L3MBTL4: variants seen among roughly 807,000 people sequenced by gnomAD.
L3MBTL4 encodes L3MBTL histone methyl-lysine binding protein 4, also known as lethal(3)malignant brain tumor-like protein 4.
A neutral mutation model predicts 84.5 loss-of-function variants in L3MBTL4; 70 were observed. The ratio of observed to expected loss-of-function variants is 0.83; its 90% CI spans 0.68 to 1.01. The LOEUF is 1.01. L3MBTL4 is among the 50% of genes least tolerant of loss of function. The probability of loss-of-function intolerance (pLI) is 0.00; values close to 1 mark genes in which losing one functional copy is unlikely to be tolerated. For synonymous variants in L3MBTL4, 274 were observed against 259.8 expected, an observed-to-expected ratio of 1.05 and a Z score of -0.52; for missense variants, 715 against 754.8, an observed-to-expected ratio of 0.95 and a Z score of 0.62.
chr18:6,090,560 T>C (rs1397120798), intron 15 of L3MBTL4, among the ~76,000 whole-genome samples: 1 of 150,194 alleles, frequency 6.7e-6, no homozygotes, highest in Admixed American at 6.7e-5. Context: ...AGTCTGGATA[T>C]ATATAAATAT....
chr18:6,342,869 G>GA (rs1275779710), intron 1 of L3MBTL4, among the ~76,000 whole-genome samples: 1 of 151,546 alleles, frequency 6.6e-6, no homozygotes, highest in African/African-American at 2.4e-5. Flanking sequence ...CACTTAGGCT[G>GA]AAAGTAAAAG....
At chr18:6,049,549 A>T (rs2056767222) in intron 16 of L3MBTL4, among the ~76,000 whole-genome samples, 1 of 152,234 alleles carries the variant, frequency 6.6e-6, no homozygotes, top group African/African-American at 2.4e-5. Flanking sequence ...TAAAAAATGA[A>T]ATCATATCTT....
intron 18 of L3MBTL4, 135 bp from the exon 19 acceptor site, chr18:5,956,522 TG>T: frequency 1.4e-6 from 1 of 709,152 alleles, no homozygotes; most frequent in Non-Finnish European, 2.4e-6. Context: ...TGAGAGAGAA[TG>T]ACGGTAGCTC....
chr18:5,956,528 T>TC, intron 18 of L3MBTL4, 141 bp from the exon 19 acceptor site: 2 of 686,160 alleles, frequency 2.9e-6, no homozygotes, highest in Non-Finnish European at 5.0e-6. Context: ...AGAATGACGG[T>TC]AGCTCTCACT....
At chr18:5,981,963 G>A (rs72873878) in intron 16 of L3MBTL4, among the ~76,000 whole-genome samples, 2 of 138,210 alleles carry the variant, frequency 1.4e-5, no homozygotes, top group African/African-American at 5.3e-5. Flanking sequence ...GAACAAAAAG[G>A]TTTCAATATT....
intron 4 of L3MBTL4, among the ~76,000 whole-genome samples, chr18:6,301,213 T>C (rs554488690): frequency 6.6e-6 from 1 of 152,318 alleles, no homozygotes; most frequent in African/African-American, 2.4e-5. Flanking sequence ...TAAGGTACTT[T>C]AAAAGTTAAT....
chr18:5,958,118 G>GAAGAAA (rs2095241554), intron 18 of L3MBTL4, among the ~76,000 whole-genome samples: 1 of 64,814 alleles, frequency 1.5e-5, no homozygotes, highest in Non-Finnish European at 3.3e-5. Context: ...AGAAGAAGAA[G>GAAGAAA]AAGAAGAAGA....
At chr18:6,404,464 A>G (rs7233051) in intron 1 of L3MBTL4, among the ~76,000 whole-genome samples, 3,483 of 152,196 alleles carry the variant, frequency 0.023, 129 homozygotes, top group African/African-American at 0.08. Flanking sequence ...AAAAAGCTCG[A>G]TTTCTGTTCT....
chr18:6,174,419 G>A (rs2044127555), intron 12 of L3MBTL4, among the ~76,000 whole-genome samples: 1 of 152,128 alleles, frequency 6.6e-6, no homozygotes, highest in East Asian at 1.9e-4. Context: ...TAAAAGAGAA[G>A]CACATAGAAA....
At chr18:6,061,964 T>C (rs1456350697) in intron 16 of L3MBTL4, among the ~76,000 whole-genome samples, 1 of 152,052 alleles carries the variant, frequency 6.6e-6, no homozygotes, top group Non-Finnish European at 1.5e-5. Context: ...TAAGCTATAC[T>C]CACCTAATTA....
rs1027427151 is a variant in L3MBTL4 at position 6,056,083 on chromosome 18, T to C, written c.1444+24798A>G. Among the ~76,000 whole-genome samples the C allele has an allele frequency of 2.0e-5, 3 of 152,166 alleles. No homozygotes were observed. In the South Asian group the frequency reaches 6.2e-4, roughly 32 times the overall value. ...GTTTTAAAGCATGGATTTGGGTTGA[T>C]ATGTCCATATTTCATTAAACTAAAA... On this transcript the variant is annotated intron_variant, in intron 16 of 18. Transcript: ENST00000317931.
chr18:6,244,685 T>C, intron 5 of L3MBTL4, 97 bp from the exon 6 acceptor site: 1 of 819,372 alleles, frequency 1.2e-6, no homozygotes, highest in Non-Finnish European at 2.0e-6. Flanking sequence ...CTAAAACAAT[T>C]GAACTCATAG....
intron 18 of L3MBTL4, 43 bp downstream of exon 18, chr18:5,960,045 CATATAT>C (rs59194551): frequency 5.9e-6 from 2 of 336,422 alleles, no homozygotes; most frequent in South Asian, 7.7e-5. Context: ...TATACACACA[CATATAT>C]ATATATATAC....
chr18:6,104,739 T>C (rs551399707), intron 14 of L3MBTL4, among the ~76,000 whole-genome samples: 151 of 152,198 alleles, frequency 9.9e-4, no homozygotes, highest in Non-Finnish European at 1.1e-3. Context: ...TTTACCACAA[T>C]TGAGAAAAAG....
chr18:6,130,348 C>T (rs7227306), intron 14 of L3MBTL4, among the ~76,000 whole-genome samples: 3 of 151,610 alleles, frequency 2.0e-5, no homozygotes, highest in Non-Finnish European at 2.9e-5. Context: ...TTGGGCTGAC[C>T]GAACAATTCC....
At chr18:6,239,079 C>T (rs1048611327) in intron 9 of L3MBTL4, among the ~76,000 whole-genome samples, 10 of 152,092 alleles carry the variant, frequency 6.6e-5, no homozygotes, top group Admixed American at 3.9e-4. Context: ...CGGTGGCTCA[C>T]GCCTGTAATC....
intron 16 of L3MBTL4, chr18:6,031,702 T>C (rs1253726991): frequency 9.1e-6 from 9 of 985,294 alleles, no homozygotes; most frequent in Non-Finnish European, 2.4e-6. Context: ...CACGGCTTCA[T>C]GGGGAATGGC....
chr18:6,072,484 C>T (rs1418510552), intron 16 of L3MBTL4, among the ~76,000 whole-genome samples: 1 of 151,916 alleles, frequency 6.6e-6, no homozygotes, highest in Non-Finnish European at 1.5e-5. Context: ...AATCAAAACT[C>T]ATGGAATGCA....
rs185921041 is a variant in L3MBTL4, at chr18:5,993,791, A to G, written c.1445-24229T>C. On this transcript the variant is annotated intron_variant, in intron 16 of 18. Coordinates refer to ENST00000317931, the MANE Select transcript of L3MBTL4 (RefSeq NM_001330559.2). ...AGCCATTATTTCCTACAAGGACACA[A>G]TGTGAATAGATACTGTATTTTCCCC... is the stretch of plus-strand genomic sequence containing the variant. Among the ~76,000 whole-genome samples the G allele has an allele frequency of 1.7e-3, 255 of 152,344 alleles. 3 individuals are homozygous for G. The highest frequency in any genetic ancestry group is 7.2e-3 in the South Asian group (35 of 4,828).
Sources: gnomAD v4.1 joint callset for allele counts (sites outside exome capture counted in the v4.1 genomes callset) on GRCh38, gnomAD v4.1.1 for gene constraint, MANE v1.5 for transcripts, NCBI Gene and HGNC (gene_info 2026-07-23, HGNC 2026-07-21) for gene names.